ATG16L1: variants seen among roughly 807,000 people sequenced by gnomAD.
ATG16L1 encodes the protein autophagy related 16 like 1.
Under a neutral mutation model 88.5 loss-of-function variants are expected in ATG16L1, and 37 were observed. The ratio of observed to expected loss-of-function variants is 0.42; its 90% confidence interval spans 0.32 to 0.55. ATG16L1 has a LOEUF of 0.55. Among genes scored for constraint, ATG16L1 ranks in the 20% least tolerant of loss-of-function variants. ATG16L1 has a pLI of 0.13. For missense variants in ATG16L1, 554 were observed against 752.8 expected (o/e 0.74, Z 3.09); for synonymous variants, 301 against 281.0 (o/e 1.07, Z -0.71).
chr2:233,277,461 C>CT, intron 9 of ATG16L1, 107 bp from the exon 10 acceptor site: 2 of 993,130 alleles, frequency 2.0e-6, no homozygotes, highest in Non-Finnish European at 3.1e-6. Flanking sequence ...CTCCACCTGT[C>CT]TTTAAGGATG....
At chr2:233,277,771 T>A (rs565297722) in intron 10 of ATG16L1, 98 bp downstream of exon 10, 190 of 1,031,712 alleles carry the variant, frequency 1.8e-4, no homozygotes, top group Non-Finnish European at 2.0e-4. Context: ...TTGACCTTGC[T>A]TTCAGGCACT....
chr2:233,261,252 G>A (rs1697191983), intron 2 of ATG16L1, among the ~76,000 whole-genome samples: 1 of 152,176 alleles, frequency 6.6e-6, no homozygotes, highest in South Asian at 2.1e-4. Context: ...ACCGCTCCCG[G>A]CCTGTTGTTA....
chr2:233,271,702 G>A (rs1385735042), intron 6 of ATG16L1, among the ~76,000 whole-genome samples: 1 of 152,246 alleles, frequency 6.6e-6, no homozygotes, highest in East Asian at 1.9e-4. Context: ...CCTAAGCACA[G>A]TTGCAAGTAC....
rs1392429490 is a variant in ATG16L1, at chr2:233,292,243, G to C, written c.1546G>C (p.Asp516His). The C allele has an allele frequency of 6.2e-7, 1 of 1,614,230 alleles. No individual in the cohort carries two copies. The highest frequency in any genetic ancestry group is 8.5e-7 in the Non-Finnish European group (1 of 1,180,038). The change falls in exon 15 of 18, where the codon GAT (aspartate) becomes CAT (histidine). Residue 516 changes from aspartate (D) to histidine (H), a missense_variant. Physicochemically the swap from Asp to His is moderately conservative, Grantham distance 81 (BLOSUM62 -1). Around this residue, in one of 5 missense-constraint regions of ATG16L1, gnomAD observed 370 missense variants for 509.7 expected, o/e 0.73. Transcript: ENST00000392017. ...CSRDDLLKVI[D>H]LRTNAIKQTF... ...CCGTGATGACTTGCTAAAAGTTATT[G>C]ATCTCCGAACAAATGCTATCAAGCA...
intron 12 of ATG16L1, chr2:233,288,760 A>C (rs1361283632): frequency 1.9e-6 from 1 of 519,008 alleles, no homozygotes; most frequent in Non-Finnish European, 3.8e-6. Context: ...CCTCCATCGC[A>C]CTTCAGAAGT....
chr2:233,273,634 A>C lies in ATG16L1; in HGVS notation c.795-87A>C, dbSNP rs2125248727. 5.5e-6 allele frequency: 7 copies of C among 1,277,734 alleles called. No individual in the cohort carries two copies. The South Asian group carries it at 8.6e-5, about 16-fold the overall frequency. 79.1% of individuals were successfully genotyped at this position (1,277,734 alleles called of 1,614,324 possible). On this transcript the variant is annotated intron_variant, in intron 7 of 17. Transcript: ENST00000392017. ...GGAACTAAGTGGGAAACATATTCCC[A>C]GTTACCTGTTTTTGTGGGCTGTTTA...
At position 233,281,103 on chromosome 2, in the gene ATG16L1, A is replaced by T; in HGVS notation, c.1061-2A>T. 6.3e-7 allele frequency: 1 copy of T among 1,583,202 alleles called. No individual in the cohort carries two copies. Among genetic ancestry groups the T allele is most frequent in the Non-Finnish European group, 8.6e-7 (1 of 1,169,204 alleles). ...TCATCCTAATTTTTTCTTTTTATAC[A>T]GAAAAATGTGAGTTCAAGGGTTCCC... is the stretch of plus-strand genomic sequence containing the variant. On this transcript the variant is annotated splice_acceptor_variant, in intron 10 of 17. Coordinates refer to ENST00000392017, the MANE Select transcript of ATG16L1 (RefSeq NM_030803.7). LOFTEE classifies it high-confidence loss of function.
intron 5 of ATG16L1, among the ~76,000 whole-genome samples, chr2:233,266,504 A>G (rs1269886022): frequency 2.0e-5 from 3 of 152,234 alleles, no homozygotes; most frequent in Non-Finnish European, 4.4e-5. Flanking sequence ...CATATTTTTA[A>G]ATCCCCATAT....
chr2:233,293,122 C>T (rs1400304641), intron 16 of ATG16L1, 134 bp from the exon 17 acceptor site: 2 of 766,756 alleles, frequency 2.6e-6, no homozygotes, highest in Non-Finnish European at 4.5e-6. Flanking sequence ...ATGACTAGCA[C>T]ACATTCTGAG....
chr2:233,272,822 C>A, intron 6 of ATG16L1, 144 bp from the exon 7 acceptor site: 1 of 683,358 alleles, frequency 1.5e-6, no homozygotes, highest in East Asian at 2.7e-5. Context: ...GCAGCTCTTC[C>A]TTTTTCTCCA....
intron 10 of ATG16L1, among the ~76,000 whole-genome samples, chr2:233,278,655 A>G (rs1039599916): frequency 4.6e-5 from 7 of 152,196 alleles, no homozygotes; most frequent in Admixed American, 2.6e-4. Context: ...CTGAAATTCC[A>G]TGCTCTTACT....
chr2:233,272,949 C>A lies in ATG16L1; in HGVS notation c.708-17C>A. The A allele has an allele frequency of 6.2e-7, 1 of 1,608,518 alleles. No individual in the cohort carries two copies. Among genetic ancestry groups the A allele is most frequent in the South Asian group, 1.1e-5 (1 of 90,916 alleles). ...ACTGTTCAGGAGAATCAAAGAATGTCTTGCCTTTCTTTCCAGGGATGATGA... is the reference window on the plus strand; with the variant it reads ...ACTGTTCAGGAGAATCAAAGAATGTATTGCCTTTCTTTCCAGGGATGATGA... On this transcript the variant is annotated splice_polypyrimidine_tract_variant and intron_variant, in intron 6 of 17. Transcript: ENST00000392017.
Position 233,251,680 on chromosome 2 carries a change from C to CG in ATG16L1, c.-148_-147insG, listed in dbSNP as rs1404300320. 2.9e-6 allele frequency: 2 copies of CG among 679,768 alleles called. No homozygotes were observed. Among genetic ancestry groups the CG allele is most frequent in the African/African-American group, 3.7e-5 (2 of 54,160 alleles). The allele number at this position is 679,768 out of a possible 1,614,324, so 42.1% of individuals were successfully genotyped here. ...TTTCCGGCATGAGCCGGAAGACCGT[C>CG]CCGGATGGCCTCGGGGACTGCCAGT... On this transcript the variant is annotated 5_prime_UTR_variant, in exon 1 of 18. Transcript: ENST00000392017.
intron 6 of ATG16L1, among the ~76,000 whole-genome samples, chr2:233,271,825 C>T (rs778808288): frequency 7.9e-5 from 12 of 152,214 alleles, no homozygotes; most frequent in Non-Finnish European, 1.5e-4. Context: ...AGGTGACTCT[C>T]GCAAACCTAG....
chr2:233,270,741 G>C (rs1176681820), intron 6 of ATG16L1, among the ~76,000 whole-genome samples: 1 of 152,154 alleles, frequency 6.6e-6, no homozygotes, highest in Non-Finnish European at 1.5e-5. Context: ...AACTAGTTCT[G>C]GAGCTTTTCC....
chr2:233,266,886 G>A (rs1401986249), intron 5 of ATG16L1, among the ~76,000 whole-genome samples: 1 of 152,232 alleles, frequency 6.6e-6, no homozygotes, highest in Non-Finnish European at 1.5e-5. Flanking sequence ...GCACAGGAAG[G>A]CAGATACTGC....
rs748351453 is a variant in ATG16L1, at chr2:233,270,080, A to C, written c.707+13A>C. The C allele has an allele frequency of 1.3e-5, 20 of 1,565,792 alleles. No homozygotes were observed. In the South Asian group the frequency reaches 1.3e-4, roughly 11 times the overall value. Reference sequence around the variant, plus strand: ...TACCAGTCGAACAGTAAGTAAAGATAAATGAATCAAAACTGTGTTTCTGAA... The same window carrying C: ...TACCAGTCGAACAGTAAGTAAAGATCAATGAATCAAAACTGTGTTTCTGAA... On this transcript the variant is annotated intron_variant, in intron 6 of 17. Transcript: ENST00000392017.
intron 5 of ATG16L1, among the ~76,000 whole-genome samples, chr2:233,269,403 A>G (rs1697826451): frequency 6.6e-6 from 1 of 152,190 alleles, no homozygotes; most frequent in Admixed American, 6.5e-5. Flanking sequence ...CCCAAACTCC[A>G]CAATGCTCCA....
intron 12 of ATG16L1, among the ~76,000 whole-genome samples, chr2:233,289,496 T>C (rs1195133587): frequency 6.6e-6 from 1 of 151,796 alleles, no homozygotes; most frequent in Non-Finnish European, 1.5e-5. Context: ...AGCAATCCTC[T>C]TGCCTCAGCT....
Sources: allele counts gnomAD v4.1 joint callset (sites outside exome capture counted in the v4.1 genomes callset), GRCh38; gene constraint gnomAD v4.1.1; regional missense constraint gnomAD v4.1.1; transcripts MANE v1.5; gene names NCBI Gene and HGNC (gene_info 2026-07-23, HGNC 2026-07-21).